Variants in TMEM17 observed in about 807,000 individuals in gnomAD.
TMEM17 encodes the protein transmembrane protein 17.
In TMEM17, 15 loss-of-function variants were observed where a neutral mutation model predicts 19.1. The ratio of observed to expected loss-of-function variants is 0.78; its 90% CI spans 0.52 to 1.21. The LOEUF (loss-of-function observed/expected upper bound fraction) is 1.21. TMEM17 is among the 50% of genes most tolerant of loss of function. TMEM17 has a pLI of 0.00. For synonymous variants in TMEM17, 103 were observed against 86.9 expected (o/e 1.19, Z -1.03); for missense variants, 245 against 242.3 (o/e 1.01, Z -0.07).
the TMEM17 span, among the ~76,000 whole-genome samples, chr2:62,454,998 C>T: frequency 6.6e-6 from 1 of 152,194 alleles, no homozygotes; most frequent in Non-Finnish European, 1.5e-5. Flanking sequence ...AGCCACTGTG[C>T]CCAGCCGAGA....
At chr2:62,460,935 A>T in the TMEM17 span, among the ~76,000 whole-genome samples, 1 of 152,164 alleles carries the variant, frequency 6.6e-6, no homozygotes, top group Non-Finnish European at 1.5e-5. Context: ...GCTGGCTAAC[A>T]AGGTTGTAGA....
At chr2:62,492,859 A>T in the TMEM17 span, among the ~76,000 whole-genome samples, 1 of 152,152 alleles carries the variant, frequency 6.6e-6, no homozygotes, top group Non-Finnish European at 1.5e-5. Flanking sequence ...TCAGGCAGAC[A>T]GAGCAGTTTG....
intron 1 of TMEM17, among the ~76,000 whole-genome samples, chr2:62,503,920 G>C (rs1419436298): frequency 1.3e-5 from 2 of 152,214 alleles, no homozygotes; most frequent in Non-Finnish European, 2.9e-5. Flanking sequence ...TTTTATGTAA[G>C]AGAGCAGGGT....
rs17854454 is a variant in TMEM17, at chr2:62,506,054, C to T, written c.76G>A (p.Gly26Ser). 0.18 allele frequency: 283,519 copies of T among 1,609,632 alleles called. 26,518 individuals are homozygous for T. The highest frequency in any genetic ancestry group is 0.28 in the East Asian group (12,639 of 44,446). ...RAVFSDSNRT[G>S]PESNEGPENE... is the part of the protein sequence containing the mutation. ...CCCGGACCCTCATTGGACTCTGGACCGGTCCGATTGGAATCACTGAACACG... is the reference window on the plus strand; with the variant it reads ...CCCGGACCCTCATTGGACTCTGGACTGGTCCGATTGGAATCACTGAACACG... The change falls in exon 1 of 4, where the codon GGT becomes AGT. Residue 26 changes from glycine (G) to serine (S), a missense_variant. Gly to Ser is a moderately conservative substitution (Grantham distance 56). Transcript: ENST00000335390.
chr2:62,462,189 CT>C, the TMEM17 span, among the ~76,000 whole-genome samples: 1 of 152,218 alleles, frequency 6.6e-6, no homozygotes, highest in Admixed American at 6.5e-5. Flanking sequence ...TCAAGTGCAT[CT>C]CCATAAACAC....
chr2:62,496,011 C>T (rs551912392), downstream of TMEM17, among the ~76,000 whole-genome samples: 8 of 152,238 alleles, frequency 5.3e-5, no homozygotes, highest in East Asian at 1.9e-4. Flanking sequence ...ATCCTTTTCC[C>T]GTCCCTTATC....
At chr2:62,454,339 G>A in the TMEM17 span, among the ~76,000 whole-genome samples, 1 of 152,196 alleles carries the variant, frequency 6.6e-6, no homozygotes, top group Non-Finnish European at 1.5e-5. Context: ...ATCAGGCATG[G>A]GGTGCTTTTG....
chr2:62,489,358 T>C, the TMEM17 span, among the ~76,000 whole-genome samples: 1 of 152,244 alleles, frequency 6.6e-6, no homozygotes, highest in African/African-American at 2.4e-5. Flanking sequence ...TTGGCATGTG[T>C]GCATTCAGAT....
At chr2:62,497,757 G>C (rs1045590702), downstream of TMEM17, among the ~76,000 whole-genome samples, 6 of 152,334 alleles carry the variant, frequency 3.9e-5, no homozygotes, top group East Asian at 9.6e-4. Context: ...AGACAATGTG[G>C]AGCACAGTGA....
the TMEM17 span, among the ~76,000 whole-genome samples, chr2:62,454,602 C>A: frequency 6.6e-6 from 1 of 152,178 alleles, no homozygotes; most frequent in Non-Finnish European, 1.5e-5. Context: ...AGGTCCCGCT[C>A]TTAAAATGCA....
chr2:62,464,167 C>G, the TMEM17 span: 1 of 152,284 alleles, frequency 6.6e-6, no homozygotes, highest in African/African-American at 2.4e-5. Flanking sequence ...GCCCTTTGCC[C>G]TCACTGGTGG....
the TMEM17 span, chr2:62,491,447 A>C: frequency 6.6e-6 from 1 of 152,468 alleles, no homozygotes; most frequent in African/African-American, 2.4e-5. Context: ...CAGCCCGGGC[A>C]ACATAGCGAG....
the TMEM17 span, among the ~76,000 whole-genome samples, chr2:62,472,950 C>G: frequency 6.6e-6 from 1 of 152,186 alleles, no homozygotes; most frequent in Non-Finnish European, 1.5e-5. Flanking sequence ...AGACACAACA[C>G]ACACAGAAAG....
At position 62,506,146 on chromosome 2, in the gene TMEM17, C is replaced by A. The variant is rs1680072557; in HGVS notation, c.-17G>T. 6.3e-7 allele frequency: 1 copy of A among 1,589,750 alleles called. No homozygotes were observed. Among genetic ancestry groups the A allele is most frequent in the Non-Finnish European group, 8.6e-7 (1 of 1,168,394 alleles). On this transcript the variant is annotated 5_prime_UTR_variant, in exon 1 of 4. Coordinates refer to ENST00000335390, the MANE Select transcript of TMEM17 (RefSeq NM_198276.3). The stretch of plus-strand genomic sequence containing the variant: ...CAGCTCCATGCCTGGGCCTCAGTAT[C>A]CCTCACCCCCTCAGACACGGGCTAG...
the TMEM17 span, among the ~76,000 whole-genome samples, chr2:62,476,069 A>T: frequency 7.1e-6 from 1 of 140,306 alleles, no homozygotes; most frequent in Non-Finnish European, 1.5e-5. Context: ...CAGCCTTCCC[A>T]CTGGGGGCGG....
At chr2:62,477,985 C>T in the TMEM17 span, among the ~76,000 whole-genome samples, 5 of 152,336 alleles carry the variant, frequency 3.3e-5, no homozygotes, top group East Asian at 9.7e-4. Flanking sequence ...GATCCTACAG[C>T]TCCCCAGTAG....
the TMEM17 span, among the ~76,000 whole-genome samples, chr2:62,489,664 G>T: frequency 1.3e-5 from 2 of 152,038 alleles, no homozygotes; most frequent in African/African-American, 4.8e-5. Flanking sequence ...TAACATAGGG[G>T]GCTGTTTTCA....
chr2:62,454,285 G>T, the TMEM17 span, among the ~76,000 whole-genome samples: 1 of 152,220 alleles, frequency 6.6e-6, no homozygotes, highest in Non-Finnish European at 1.5e-5. Flanking sequence ...AGCTCTGGGG[G>T]TGGGAGGAGC....
At chr2:62,487,768 C>G in the TMEM17 span, among the ~76,000 whole-genome samples, 2 of 152,238 alleles carry the variant, frequency 1.3e-5, no homozygotes, top group Non-Finnish European at 2.9e-5. Flanking sequence ...GATCTCGGCT[C>G]ACTGCAACCT....
Sources: allele counts gnomAD v4.1 joint callset (sites outside exome capture counted in the v4.1 genomes callset), GRCh38; gene constraint gnomAD v4.1.1; transcripts MANE v1.5; gene names NCBI Gene and HGNC (gene_info 2026-07-23, HGNC 2026-07-21).